Variants in IRF8 observed in about 807,000 individuals in gnomAD.
IRF8 encodes interferon consensus sequence binding protein 1.
Under a neutral mutation model 48.7 loss-of-function variants are expected in IRF8, and 14 were observed. That is an observed-to-expected ratio of 0.29 (90% CI 0.19 to 0.45). The LOEUF (loss-of-function observed/expected upper bound fraction) is 0.45, where lower values mean the gene tolerates loss of function less well. Among genes scored for constraint, IRF8 ranks in the 20% least tolerant of loss-of-function variants. The pLI, the probability that IRF8 is intolerant of heterozygous loss-of-function variation, is 1.00. For missense variants in IRF8, 493 were observed against 580.7 expected (o/e 0.85, Z 1.55); for synonymous variants, 278 against 227.3 (o/e 1.22, Z -2.01).
At chr16:85,921,070 C>CGCCTCT in intron 8 of IRF8, 36 bp from the exon 9 acceptor site, 1 of 1,584,440 alleles carries the variant, frequency 6.3e-7, no homozygotes, top group Non-Finnish European at 8.6e-7. Context: ...TTGGAGCCTC[C>CGCCTCT]GCCTCTGCCT....
chr16:85,916,529 A>G (rs972763531), intron 6 of IRF8, among the ~76,000 whole-genome samples: 2 of 152,096 alleles, frequency 1.3e-5, no homozygotes, highest in African/African-American at 4.8e-5. Flanking sequence ...GACAGCTGGA[A>G]CCTTCTCTTA....
intron 5 of IRF8, 47 bp downstream of exon 5, chr16:85,913,283 T>G: frequency 7.5e-7 from 1 of 1,339,562 alleles, no homozygotes; most frequent in Non-Finnish European, 1.1e-6. Flanking sequence ...GCCTGAAGGG[T>G]TTACGGCATT....
At chr16:85,905,950 G>GA (rs2152099773) in intron 2 of IRF8, among the ~76,000 whole-genome samples, 1 of 152,258 alleles carries the variant, frequency 6.6e-6, no homozygotes, top group African/African-American at 2.4e-5. Context: ...AAGAGAAATT[G>GA]AAAAAACATT....
chr16:85,918,882 T>C, intron 7 of IRF8, 79 bp downstream of exon 7: 3 of 1,563,584 alleles, frequency 1.9e-6, no homozygotes, highest in Non-Finnish European at 2.6e-6. Context: ...CAGCTCAGGG[T>C]GGCCCTGTGG....
intron 7 of IRF8, among the ~76,000 whole-genome samples, chr16:85,919,754 T>G (rs952451294): frequency 6.6e-6 from 1 of 152,160 alleles, no homozygotes; most frequent in Non-Finnish European, 1.5e-5. Flanking sequence ...GAGATTCGGG[T>G]GAGGGCTGCA....
At chr16:85,916,530 C>T (rs918677593) in intron 6 of IRF8, among the ~76,000 whole-genome samples, 3 of 152,208 alleles carry the variant, frequency 2.0e-5, no homozygotes, top group African/African-American at 7.2e-5. Flanking sequence ...ACAGCTGGAA[C>T]CTTCTCTTAG....
chr16:85,900,016 G>C (rs1904779250), intron 1 of IRF8, among the ~76,000 whole-genome samples: 1 of 152,310 alleles, frequency 6.6e-6, no homozygotes, highest in East Asian at 1.9e-4. Context: ...AGAACTGGTA[G>C]TTAAAATGAC....
chr16:85,903,428 C>T, intron 2 of IRF8: 1 of 512,236 alleles, frequency 2.0e-6, no homozygotes, highest in South Asian at 2.1e-5. Flanking sequence ...AGATCGAAGG[C>T]TCTTTTCTTC....
chr16:85,915,451 C>A (rs1404794250), intron 6 of IRF8, among the ~76,000 whole-genome samples: 1 of 152,222 alleles, frequency 6.6e-6, no homozygotes, highest in Non-Finnish European at 1.5e-5. Flanking sequence ...GGTGCTCACC[C>A]AGGCAGGAAA....
chr16:85,915,708 G>C (rs1418597569), intron 6 of IRF8, among the ~76,000 whole-genome samples: 2 of 152,214 alleles, frequency 1.3e-5, no homozygotes, highest in African/African-American at 4.8e-5. Flanking sequence ...AAGCCTCCGG[G>C]CTCGCCAGCC....
Position 85,905,311 on chromosome 16 carries a change from G to A in IRF8, c.174+2122G>A, listed in dbSNP as rs182561389. Among the ~76,000 whole-genome samples, 47 of 152,280 alleles carry A rather than the reference G, an allele frequency of 3.1e-4. No individual in the cohort carries two copies. In the East Asian group the frequency reaches 8.7e-3, roughly 28 times the overall value. On this transcript the variant is annotated intron_variant, in intron 2 of 8. Transcript: ENST00000268638. ...TAGCCCTGACATGTGGCATGCTGAC[G>A]GAGACGAAGCTTCTCCCTTCACCCC...
In IRF8 at chr16:85,921,321, A is replaced by G. The variant is rs1317573880; in HGVS notation, c.*39A>G. ...GCGCCCCACCCCGTCTGCGTCCTGC[A>G]TCCATCTCCCTGTTACAGTGGCCCG... On this transcript the variant is annotated 3_prime_UTR_variant, in exon 9 of 9. Coordinates refer to ENST00000268638, the MANE Select transcript of IRF8 (RefSeq NM_002163.4). 4 of 1,598,676 alleles carry G rather than the reference A, an allele frequency of 2.5e-6. No homozygotes were observed. The highest frequency in any genetic ancestry group is 1.3e-5 in the African/African-American group (1 of 74,822).
intron 2 of IRF8, among the ~76,000 whole-genome samples, chr16:85,905,350 A>G (rs1172910088): frequency 2.0e-5 from 3 of 151,840 alleles, no homozygotes; most frequent in Admixed American, 2.0e-4. Flanking sequence ...CCCTACTTCA[A>G]CTTGTGCTCG....
chr16:85,899,839 G>C (rs1019288897), intron 1 of IRF8, among the ~76,000 whole-genome samples: 1 of 152,304 alleles, frequency 6.6e-6, no homozygotes, highest in African/African-American at 2.4e-5. Context: ...AACATTGTTT[G>C]TAAAATGAGT....
In IRF8 at chr16:85,920,138, C is replaced by A. The variant is rs765523642; in HGVS notation, c.1018C>A (p.Arg340=). 6.2e-7 allele frequency: 1 copy of A among 1,613,286 alleles called. No individual in the cohort carries two copies. The change falls in exon 8 of 9, where the codon CGG becomes AGG. Residue 340 remains arginine (R), a synonymous_variant. Transcript: ENST00000268638. ...ELQQFYNSQG[R]LPDGRVVLCF... is the part of the protein sequence containing the mutation. The stretch of plus-strand genomic sequence containing the variant: ...GCAGCAGTTCTATAACAGCCAGGGC[C>A]GGCTTCCTGACGGCAGGGTGGTGCT...
In IRF8 at chr16:85,903,206, C is replaced by T; in HGVS notation, c.174+17C>T. On this transcript the variant is annotated intron_variant, in intron 2 of 8. Coordinates refer to ENST00000268638, the MANE Select transcript of IRF8 (RefSeq NM_002163.4). Reference sequence around the variant, plus strand: ...ATTTTTAAGGTAAAGAGCCCAGCTCCCTTCCCCACTGTGGGCACAGTGTCT... The same window carrying T: ...ATTTTTAAGGTAAAGAGCCCAGCTCTCTTCCCCACTGTGGGCACAGTGTCT... 1 of 1,609,040 alleles carries T rather than the reference C, an allele frequency of 6.2e-7. No individual in the cohort carries two copies. The highest frequency in any genetic ancestry group is 1.3e-5 in the African/African-American group (1 of 74,936).
At chr16:85,908,702 G>T (rs1905067154) in intron 2 of IRF8, among the ~76,000 whole-genome samples, 1 of 152,316 alleles carries the variant, frequency 6.6e-6, no homozygotes, top group Non-Finnish European at 1.5e-5. Context: ...TTGGCTAAAA[G>T]GTGCACTCCA....
intron 4 of IRF8, 22 bp from the exon 5 acceptor site, chr16:85,913,109 T>C: frequency 6.3e-7 from 1 of 1,586,046 alleles, no homozygotes; most frequent in Non-Finnish European, 8.7e-7. Flanking sequence ...GCTGCCCTCC[T>C]CTCCCTCCCC....
At chr16:85,913,376 A>C in intron 5 of IRF8, 140 bp downstream of exon 5, 1 of 692,356 alleles carries the variant, frequency 1.4e-6, no homozygotes, top group Non-Finnish European at 2.6e-6. Context: ...TGAGAGGTGA[A>C]GAACGATGGC....
Sources: allele counts gnomAD v4.1 joint callset (sites outside exome capture counted in the v4.1 genomes callset), GRCh38; gene constraint gnomAD v4.1.1; transcripts MANE v1.5; gene names NCBI Gene and HGNC (gene_info 2026-07-23, HGNC 2026-07-21).